The following FBXO34 variants were observed in gnomAD, a reference collection of about 807,000 sequenced individuals.
The protein encoded by FBXO34 is F-box only protein 34.
In FBXO34, 12 loss-of-function variants were observed where a neutral mutation model predicts 24.5. The observed-to-expected ratio is 0.49, with a 90% CI of 0.31 to 0.79. The LOEUF is 0.79. Ranked by LOEUF, FBXO34 falls within the 30% of genes least tolerant of loss-of-function variation. The pLI, the probability that FBXO34 is intolerant of heterozygous loss-of-function variation, is 0.04. For missense variants in FBXO34, 823 were observed against 857.7 expected, an observed-to-expected ratio of 0.96 and a Z score of 0.51; for synonymous variants, 320 against 311.9, an observed-to-expected ratio of 1.03 and a Z score of -0.27.
the FBXO34 span, chr14:55,395,080 T>C: frequency 4.0e-6 from 2 of 503,750 alleles, no homozygotes; most frequent in Non-Finnish European, 8.0e-6. Flanking sequence ...CCCTTTTGTT[T>C]GCACTTTTTT....
chr14:55,363,873 T>C (rs181974326), downstream of FBXO34, among the ~76,000 whole-genome samples: 957 of 144,220 alleles, frequency 6.6e-3, 5 homozygotes, highest in African/African-American at 0.023. Flanking sequence ...TGCCTCTGCG[T>C]TTTTTTTTTT....
At chr14:55,437,034 AACAG>A in the FBXO34 span, 2 of 1,608,398 alleles carry the variant, frequency 1.2e-6, no homozygotes, top group Non-Finnish European at 1.7e-6. Context: ...CAGTTCCCAA[AACAG>A]ACAGACAAAA....
At chr14:55,288,922 A>C (rs58458194) in intron 1 of FBXO34, among the ~76,000 whole-genome samples, 1 of 151,872 alleles carries the variant, frequency 6.6e-6, no homozygotes, top group Non-Finnish European at 1.5e-5. Context: ...GTGGTGGCGC[A>C]TGCCTGTAAT....
At chr14:55,388,910 T>C in the FBXO34 span, among the ~76,000 whole-genome samples, 1 of 152,074 alleles carries the variant, frequency 6.6e-6, no homozygotes, top group Non-Finnish European at 1.5e-5. Flanking sequence ...CCAGTCATGA[T>C]GAGAGGAGGA....
Position 55,351,484 on chromosome 14 carries a change from C to G in FBXO34, c.1094C>G (p.Ala365Gly), listed in dbSNP as rs1039823828. The G allele has an allele frequency of 6.2e-7, 1 of 1,614,128 alleles. No individual in the cohort carries two copies. Among genetic ancestry groups the G allele is most frequent in the East Asian group, 2.2e-5 (1 of 44,870 alleles). ...CGTTGTTCTCCTAAGGAGGACCAGG[C>G]CTGGGACGGTGCTTCTCAGGACTGC... ...ADRCSPKEDQ[A>G]WDGASQDCPP... The change falls in exon 2 of 2, where the codon GCC becomes GGC. Residue 365 changes from alanine (A) to glycine (G), a missense_variant. Ala to Gly is a moderately conservative substitution (Grantham distance 60). This residue lies in a region of FBXO34 where 693 missense variants were observed against 659.1 expected (regional missense o/e 1.05). Coordinates refer to ENST00000313833, the MANE Select transcript of FBXO34 (RefSeq NM_017943.4).
chr14:55,414,398 T>C, the FBXO34 span: 105 of 1,605,858 alleles, frequency 6.5e-5, no homozygotes, highest in Non-Finnish European at 8.7e-5. Flanking sequence ...TTTAAAACCT[T>C]TTAGAATAGG....
the FBXO34 span, among the ~76,000 whole-genome samples, chr14:55,430,018 T>A: frequency 6.6e-6 from 1 of 152,032 alleles, no homozygotes; most frequent in South Asian, 2.1e-4. Flanking sequence ...AGGACAGGAA[T>A]TTGTCCTACT....
chr14:55,305,340 G>T (rs530481828), intron 1 of FBXO34, among the ~76,000 whole-genome samples: 1 of 151,720 alleles, frequency 6.6e-6, no homozygotes, highest in Non-Finnish European at 1.5e-5. Context: ...ACTTGAACCC[G>T]GGAGGTGGGG....
At chr14:55,431,955 C>T in the FBXO34 span, among the ~76,000 whole-genome samples, 2 of 152,046 alleles carry the variant, frequency 1.3e-5, no homozygotes, top group African/African-American at 4.8e-5. Flanking sequence ...CTATCCTTTT[C>T]CTATCACAAA....
intron 1 of FBXO34, among the ~76,000 whole-genome samples, chr14:55,317,412 C>A (rs1882969763): frequency 6.6e-6 from 1 of 152,026 alleles, no homozygotes; most frequent in Admixed American, 6.6e-5. Context: ...CCCGGGAAGG[C>A]AGAGGTTGCA....
At chr14:55,298,534 C>G (rs1882219919) in intron 1 of FBXO34, 2 of 616,360 alleles carry the variant, frequency 3.2e-6, no homozygotes, top group Non-Finnish European at 5.8e-6. Flanking sequence ...TACATTTGAC[C>G]TACTTCTTGT....
chr14:55,413,348 A>G, the FBXO34 span, among the ~76,000 whole-genome samples: 1 of 152,238 alleles, frequency 6.6e-6, no homozygotes, highest in Non-Finnish European at 1.5e-5. Flanking sequence ...GATATCACAG[A>G]TAGTATCTAG....
chr14:55,439,279 A>T, the FBXO34 span, among the ~76,000 whole-genome samples: 4 of 18,762 alleles, frequency 2.1e-4, no homozygotes, highest in East Asian at 0.018. Context: ...AATTAACTTT[A>T]AAAAAAAAAA....
At chr14:55,346,051 A>C (rs1461579379) in intron 1 of FBXO34, among the ~76,000 whole-genome samples, 1 of 152,140 alleles carries the variant, frequency 6.6e-6, no homozygotes, top group African/African-American at 2.4e-5. Flanking sequence ...AAGGAAATGA[A>C]CATTTGTAGG....
At chr14:55,294,004 T>G (rs1882036124) in intron 1 of FBXO34, among the ~76,000 whole-genome samples, 1 of 152,186 alleles carries the variant, frequency 6.6e-6, no homozygotes, top group Non-Finnish European at 1.5e-5. Context: ...TCCCTGTGTC[T>G]AGAACGCTAT....
chr14:55,283,997 T>G (rs1391947864), intron 1 of FBXO34, among the ~76,000 whole-genome samples: 1 of 151,488 alleles, frequency 6.6e-6, no homozygotes, highest in African/African-American at 2.4e-5. Flanking sequence ...TGTATGTGTA[T>G]GTATGTGTAT....
At chr14:55,382,508 G>C in the FBXO34 span, among the ~76,000 whole-genome samples, 1 of 151,896 alleles carries the variant, frequency 6.6e-6, no homozygotes, top group African/African-American at 2.4e-5. Context: ...TTTTTTTGTA[G>C]AGATGGGGTC....
intron 1 of FBXO34, chr14:55,339,411 T>G (rs1426917430): frequency 2.3e-5 from 3 of 132,140 alleles, no homozygotes; most frequent in Middle Eastern, 3.8e-3. Context: ...TATGCTAACC[T>G]GGTTCCAAAG....
At chr14:55,383,596 ACC>A in the FBXO34 span, among the ~76,000 whole-genome samples, 1,676 of 151,344 alleles carry the variant, frequency 0.011, 14 homozygotes, top group Middle Eastern at 0.027. Context: ...AACAAAAAAA[ACC>A]CCCAAGAACA....
Sources: gnomAD v4.1 joint callset for allele counts (sites outside exome capture counted in the v4.1 genomes callset) on GRCh38, gnomAD v4.1.1 for gene constraint, gnomAD v4.1.1 regional missense constraint, MANE v1.5 for transcripts, NCBI Gene and HGNC (gene_info 2026-07-23, HGNC 2026-07-21) for gene names.